Variants in GRM7 observed in about 807,000 individuals in gnomAD.
GRM7 encodes glutamate metabotropic receptor 7, also known as metabotropic glutamate receptor 7.
In GRM7, 35 loss-of-function variants were observed where a neutral mutation model predicts 84.5. The observed-to-expected ratio is 0.41, with a 90% CI of 0.32 to 0.55. GRM7 has a LOEUF of 0.55. Ranked by LOEUF, GRM7 falls within the 20% of genes least tolerant of loss-of-function variation. GRM7 has a pLI of 0.19. For missense variants in GRM7, 1,003 were observed against 1,194.6 expected, an observed-to-expected ratio of 0.84 and a Z score of 2.36; for synonymous variants, 487 against 455.1, an observed-to-expected ratio of 1.07 and a Z score of -0.89.
At chr3:7,101,661 T>C (rs1421814900) in intron 1 of GRM7, among the ~76,000 whole-genome samples, 1 of 150,946 alleles carries the variant, frequency 6.6e-6, no homozygotes, top group Non-Finnish European at 1.5e-5. Context: ...TTTGGATCAT[T>C]TAAATATTTA....
intron 4 of GRM7, among the ~76,000 whole-genome samples, chr3:7,378,701 A>G (rs1489812772): frequency 6.6e-6 from 1 of 152,142 alleles, no homozygotes; most frequent in Non-Finnish European, 1.5e-5. Context: ...TAATATAATA[A>G]AATCTTAAAA....
intron 7 of GRM7, among the ~76,000 whole-genome samples, chr3:7,571,014 T>C (rs2125045576): frequency 6.6e-6 from 1 of 152,286 alleles, no homozygotes; most frequent in African/African-American, 2.4e-5. Context: ...TGGTCCTTTT[T>C]AGTCATGGCT....
intron 4 of GRM7, among the ~76,000 whole-genome samples, chr3:7,318,193 A>G (rs1376959761): frequency 6.6e-6 from 1 of 152,032 alleles, no homozygotes; most frequent in East Asian, 1.9e-4. Context: ...GGACATCAGC[A>G]ATTTATTTGT....
intron 9 of GRM7, among the ~76,000 whole-genome samples, chr3:7,692,206 G>T (rs77492289): frequency 0.046 from 6,978 of 152,208 alleles, 201 homozygotes; most frequent in South Asian, 0.082. Flanking sequence ...AAGCTGCTAT[G>T]GGACAGATAG....
chr3:7,319,804 A>G (rs1266278302), intron 4 of GRM7, among the ~76,000 whole-genome samples: 1 of 151,946 alleles, frequency 6.6e-6, no homozygotes, highest in Non-Finnish European at 1.5e-5. Context: ...AAAGACACTT[A>G]TTTTTGTATC....
intron 5 of GRM7, among the ~76,000 whole-genome samples, chr3:7,438,990 C>T (rs534156641): frequency 6.3e-4 from 96 of 152,200 alleles, no homozygotes; most frequent in African/African-American, 1.8e-3. Context: ...ATGTAGAATT[C>T]GGAAGTCTAT....
At chr3:7,382,287 A>G (rs993432612) in intron 4 of GRM7, among the ~76,000 whole-genome samples, 1 of 152,152 alleles carries the variant, frequency 6.6e-6, no homozygotes, top group Admixed American at 6.5e-5. Context: ...GAGATTTTCC[A>G]TGTATATAGG....
At chr3:7,252,315 C>T (rs535930757) in intron 2 of GRM7, among the ~76,000 whole-genome samples, 11 of 152,304 alleles carry the variant, frequency 7.2e-5, no homozygotes, top group African/African-American at 2.4e-4. Context: ...TCTGCCTGTT[C>T]CGCTCATAGC....
intron 8 of GRM7, among the ~76,000 whole-genome samples, chr3:7,668,393 C>G (rs142101934): frequency 2.6e-5 from 4 of 152,330 alleles, no homozygotes; most frequent in African/African-American, 7.2e-5. Flanking sequence ...ACTGGAGATA[C>G]AATGGTGAGC....
intron 1 of GRM7, among the ~76,000 whole-genome samples, chr3:6,879,250 C>T (rs1350422083): frequency 6.6e-6 from 1 of 152,068 alleles, no homozygotes; most frequent in Non-Finnish European, 1.5e-5. Context: ...AGTCTGATTC[C>T]AGAGCCCACA....
chr3:7,555,687 A>G (rs1308218766), intron 7 of GRM7, among the ~76,000 whole-genome samples: 2 of 152,140 alleles, frequency 1.3e-5, no homozygotes, highest in Non-Finnish European at 2.9e-5. Context: ...TGACACTTAT[A>G]TTTAAGGCAG....
chr3:6,863,310 C>T lies in GRM7; in HGVS notation c.519+1403C>T, dbSNP rs536121145. On this transcript the variant is annotated intron_variant, in intron 1 of 9. Coordinates refer to ENST00000357716, the MANE Select transcript of GRM7 (RefSeq NM_000844.4). This position sits in a 1 kb window ranked among gnomAD's most constrained non-coding sequence, Gnocchi z 4.8. ...CTCTTCCGCAGATGTACACGCTGAT[C>T]CTGGCACCTTTATGCTCCTCATATC... Among the ~76,000 whole-genome samples the T allele has an allele frequency of 5.3e-5, 8 of 152,248 alleles. No homozygotes were observed. Among genetic ancestry groups the T allele is most frequent in the Admixed American group, 3.9e-4 (6 of 15,288 alleles).
At position 7,168,147 on chromosome 3, in the gene GRM7, C is replaced by G. The variant is rs371572777; in HGVS notation, c.736+21479C>G. ...CAAGAGCTTCCTCTCACATTCCACC[C>G]CTTTAGTTTCTCAGCATTTATAAGC... On this transcript the variant is annotated intron_variant, in intron 2 of 9. Transcript: ENST00000357716. Among the ~76,000 whole-genome samples the G allele has an allele frequency of 4.8e-4, 73 of 152,178 alleles. 2 individuals are homozygous for G. The East Asian group carries it at 7.4e-3, about 15-fold the overall frequency.
Position 7,188,708 on chromosome 3 carries a change from G to C in GRM7, c.736+42040G>C, listed in dbSNP as rs1182435897. On this transcript the variant is annotated intron_variant, in intron 2 of 9. Transcript: ENST00000357716. This position sits in a 1 kb window ranked among gnomAD's most constrained non-coding sequence, Gnocchi z 4.2. ...GCAGAGGAGTTTATTTCTCATTCCT[G>C]TACTATTCAAGGCATCTGTTTTCTA... Among the ~76,000 whole-genome samples the C allele has an allele frequency of 1.3e-5, 2 of 152,118 alleles. No individual in the cohort carries two copies. The highest frequency in any genetic ancestry group is 2.9e-5 in the Non-Finnish European group (2 of 68,014).
chr3:7,369,521 C>G (rs537980217), intron 4 of GRM7, among the ~76,000 whole-genome samples: 1 of 151,942 alleles, frequency 6.6e-6, no homozygotes, highest in South Asian at 2.1e-4. Context: ...AGAACTGTAA[C>G]TTTTAGCTGG....
intron 7 of GRM7, among the ~76,000 whole-genome samples, chr3:7,511,865 G>C (rs1198417570): frequency 6.6e-6 from 1 of 152,172 alleles, no homozygotes; most frequent in Non-Finnish European, 1.5e-5. Flanking sequence ...TTTAGGGCTG[G>C]GAACAGTGGC....
chr3:7,606,664 G>T (rs2125075415), intron 8 of GRM7, among the ~76,000 whole-genome samples: 1 of 152,214 alleles, frequency 6.6e-6, no homozygotes, highest in Admixed American at 6.5e-5. Context: ...CTCCTGAGTA[G>T]CTGGGATCAC....
chr3:7,702,838 T>G (rs1264944204), intron 9 of GRM7, among the ~76,000 whole-genome samples: 1 of 152,080 alleles, frequency 6.6e-6, no homozygotes, highest in Non-Finnish European at 1.5e-5. Flanking sequence ...CAAAAACACT[T>G]TTTTCAAATG....
At chr3:7,408,679 A>C (rs1695785770) in intron 4 of GRM7, among the ~76,000 whole-genome samples, 1 of 152,200 alleles carries the variant, frequency 6.6e-6, no homozygotes, top group Non-Finnish European at 1.5e-5. Flanking sequence ...AGAAACTGAC[A>C]CCTGTAACAC....
Sources: gnomAD v4.1 joint callset for allele counts (sites outside exome capture counted in the v4.1 genomes callset) on GRCh38, gnomAD v4.1.1 for gene constraint, Gnocchi (gnomAD v3.1) non-coding constraint, MANE v1.5 for transcripts, NCBI Gene and HGNC (gene_info 2026-07-23, HGNC 2026-07-21) for gene names.